Variants in USP11 observed in about 807,000 individuals in gnomAD.
The protein encoded by USP11 is ubiquitin carboxyl-terminal hydrolase 11.
A neutral mutation model predicts 72.8 loss-of-function variants in USP11; 5 were observed. The observed-to-expected ratio is 0.07, with a 90% CI of 0.04 to 0.14. The LOEUF (loss-of-function observed/expected upper bound fraction) is 0.14, where lower values mean the gene tolerates loss of function less well. Among genes scored for constraint, USP11 ranks in the 10% least tolerant of loss-of-function variants. The pLI is 1.00. For missense variants in USP11, 480 were observed against 794.7 expected (o/e 0.60, Z 4.76); for synonymous variants, 368 against 326.5 (o/e 1.13, Z -1.37).
intron 9 of USP11, 54 bp downstream of exon 9, chrX:47,241,753 G>C (rs148896305): frequency 8.9e-7 from 1 of 1,129,661 alleles, no homozygotes; most frequent in East Asian, 3.0e-5. Context: ...CCTCTGCCTC[G>C]GGGATTTTCT....
At position 47,242,199 on chromosome X, in the gene USP11, G is replaced by A; in HGVS notation, c.1297G>A (p.Val433Met). The part of the protein sequence containing the change: ...LVCPDCGNVS[V>M]TFDPFCYLSV... ...GTGCCCCGATTGTGGCAATGTATCT[G>A]TGACCTTCGACCCCTTCTGCTACCT... The change falls in exon 10 of 21, where the codon GTG becomes ATG. Residue 433 changes from valine (V) to methionine (M), a missense_variant. By Grantham distance (21) the Val-to-Met change is conservative. Around this residue, in one of 5 missense-constraint regions of USP11, gnomAD observed 314 missense variants for 556.0 expected, o/e 0.56. Coordinates refer to ENST00000377107, the MANE Select transcript of USP11 (RefSeq NM_001371072.1). 1 of 1,211,657 alleles carries A rather than the reference G, an allele frequency of 8.3e-7. No individual in the cohort carries two copies. Among genetic ancestry groups the A allele is most frequent in the Non-Finnish European group, 1.1e-6 (1 of 895,402 alleles).
chrX:47,234,328 T>G (rs1217200505), intron 1 of USP11, among the ~76,000 whole-genome samples: 1 of 111,788 alleles, frequency 8.9e-6, no homozygotes, highest in Non-Finnish European at 1.9e-5. Flanking sequence ...CTCGATTGGA[T>G]CCTGGAACAG....
At chrX:47,238,253 T>C in intron 1 of USP11, among the ~76,000 whole-genome samples, 1 of 104,258 alleles carries the variant, frequency 9.6e-6, no homozygotes, top group Non-Finnish European at 2.0e-5. Flanking sequence ...AGTGATGCAG[T>C]CTCGGCTCAC....
intron 7 of USP11, 192 bp from the exon 8 acceptor site, chrX:47,241,085 C>A (rs2055400138): frequency 1.8e-6 from 1 of 563,662 alleles, no homozygotes; most frequent in Non-Finnish European, 2.8e-6. Context: ...CTCTTCTCTT[C>A]CCTGTTCCCA....
rs775586481 is a variant in USP11, at chrX:47,240,774, GAAC to G, written c.752_754del (p.Asn251del). The G allele has an allele frequency of 1.2e-5, 14 of 1,209,903 alleles. No individual in the cohort carries two copies. The Middle Eastern group carries it at 1.8e-3, about 159-fold the overall frequency. On this transcript the variant is annotated inframe_deletion and splice_region_variant, in exon 7 of 21. Coordinates refer to ENST00000377107, the MANE Select transcript of USP11 (RefSeq NM_001371072.1). ...CTGACAGTTTCTCATCTAACCCCAG[GAAC>G]AACAACATGTCGGAAGAGGATGAGG...
chrX:47,245,047 A>G lies in USP11; in HGVS notation c.2118A>G (p.Pro706=), dbSNP rs770928956. 12 of 1,210,417 alleles carry G rather than the reference A, an allele frequency of 9.9e-6. No homozygotes were observed. In the Admixed American group the frequency reaches 2.6e-4, roughly 26 times the overall value. The change falls in exon 16 of 21, where the codon CCA becomes CCG. Residue 706 remains proline (P), a synonymous_variant. Transcript: ENST00000377107. The part of the protein sequence containing the change: ...AQPYIAIDWE[P]EMKKRYYDEV... ...CGTACATTGCTATCGACTGGGAGCCAGAGATGAAGAAGCGTTACTATGACG... is the reference window on the plus strand; with the variant it reads ...CGTACATTGCTATCGACTGGGAGCCGGAGATGAAGAAGCGTTACTATGACG...
intron 1 of USP11, among the ~76,000 whole-genome samples, chrX:47,237,592 G>A (rs1289005189): frequency 9.0e-6 from 1 of 110,943 alleles, no homozygotes; most frequent in Non-Finnish European, 1.9e-5. Context: ...CAGCCTGGGC[G>A]ACAGAGCAAG....
rs756332569 is a variant in USP11 at position 47,240,923 on chromosome X, C to A, written c.846+47C>A. The A allele has an allele frequency of 4.4e-6, 5 of 1,137,011 alleles. No individual in the cohort carries two copies. In the African/African-American group the frequency reaches 7.2e-5, roughly 16 times the overall value. 93.7% of individuals were successfully genotyped at this position (1,137,011 alleles called of 1,213,427 possible). A position where few individuals can be genotyped will look rare whatever the true frequency, so the allele number is the denominator to read the frequency against. On this transcript the variant is annotated intron_variant, in intron 7 of 20. Transcript: ENST00000377107. ...CTGGCACAGCCACGTGGTTGGGCTT[C>A]AAGAGCTGAGGATTGGGGACAGAGC... is the stretch of plus-strand genomic sequence containing the variant.
rs1022022946 is a variant in USP11 at position 47,244,420 on chromosome X, A to G, written c.1791-78A>G. On this transcript the variant is annotated intron_variant, in intron 13 of 20. Transcript: ENST00000377107. The stretch of plus-strand genomic sequence containing the variant: ...CATGTGGATCTACCAATGGCTTCCC[A>G]TTATCTTAAGTAAAATCCCGGGCTC... 5.4e-6 allele frequency: 6 copies of G among 1,113,096 alleles called. No individual in the cohort carries two copies. In the Admixed American group the frequency reaches 1.2e-4, roughly 23 times the overall value. 91.7% of individuals were successfully genotyped at this position (1,113,096 alleles called of 1,213,427 possible).
At chrX:47,233,446 A>C (rs1164216119) in intron 1 of USP11, 1 of 1,058,950 alleles carries the variant, frequency 9.4e-7, no homozygotes, top group Admixed American at 4.1e-5. Flanking sequence ...CTGAGAACAA[A>C]ATGGGGTTTG....
chrX:47,237,049 G>T (rs773446883), intron 1 of USP11, among the ~76,000 whole-genome samples: 9 of 112,182 alleles, frequency 8.0e-5, no homozygotes, highest in Non-Finnish European at 1.7e-4. Flanking sequence ...TAGAAGTTCA[G>T]CCTGTGACCA....
At chrX:47,247,279 G>C in intron 18 of USP11, 25 bp from the exon 19 acceptor site, 1 of 1,210,853 alleles carries the variant, frequency 8.3e-7, no homozygotes, top group Non-Finnish European at 1.1e-6. Context: ...GGGTGTACCA[G>C]TATTAACCCT....
chrX:47,233,244 T>G, intron 1 of USP11, 25 bp downstream of exon 1: 1 of 1,111,895 alleles, frequency 9.0e-7, no homozygotes, highest in Non-Finnish European at 1.2e-6. Flanking sequence ...CGGTGGAGCC[T>G]CGGCAGAGGG....
In USP11 at chrX:47,248,083, G is replaced by A. The variant is rs187322732; in HGVS notation, c.*153G>A. On this transcript the variant is annotated 3_prime_UTR_variant, in exon 21 of 21. Transcript: ENST00000377107. Reference sequence around the variant, plus strand: ...TACTGTTCTCCTGTGCCGCTGCATCGCTCTCTCCCGGGAAAGAACAGGTCG... The same window carrying A: ...TACTGTTCTCCTGTGCCGCTGCATCACTCTCTCCCGGGAAAGAACAGGTCG... 152 of 848,764 alleles carry A rather than the reference G, an allele frequency of 1.8e-4. 1 individual carries two copies. The highest frequency in any genetic ancestry group is 2.3e-4 in the Non-Finnish European group (146 of 626,800). 69.9% of individuals were successfully genotyped at this position (848,764 alleles called of 1,213,427 possible). A position where few individuals can be genotyped will look rare whatever the true frequency, so the allele number is the denominator to read the frequency against.
chrX:47,240,841 C>T lies in USP11; in HGVS notation c.811C>T (p.Leu271=). Residue 271 remains leucine, a synonymous_variant, in exon 7 of 21, where the codon CTG becomes TTG. Coordinates refer to ENST00000377107, the MANE Select transcript of USP11 (RefSeq NM_001371072.1). The stretch of plus-strand genomic sequence containing the variant: ...GCCAGGCATCTGTGGCCTCACCAAT[C>T]TGGGCAACACGTGCTTCATGAACTC... ...GQPGICGLTN[L]GNTCFMNSAL... is the part of the protein sequence containing the mutation. 7 of 1,211,401 alleles carry T rather than the reference C, an allele frequency of 5.8e-6. No homozygotes were observed. The highest frequency in any genetic ancestry group is 7.8e-6 in the Non-Finnish European group (7 of 895,269).
chrX:47,233,277 G>T, intron 1 of USP11, 58 bp downstream of exon 1: 5 of 1,098,429 alleles, frequency 4.6e-6, no homozygotes, highest in Non-Finnish European at 3.6e-6. Flanking sequence ...ATTGACAACC[G>T]CTGGGGATTC....
rs1256900971 is a variant in USP11, at chrX:47,245,142, G to T, written c.2157+56G>T. ...TCCAGCTCTTGCCCCTCAACTCTTC[G>T]TACATCCTCCCCACAACTCCTCTAG... On this transcript the variant is annotated intron_variant, in intron 16 of 20. Transcript: ENST00000377107. 2.6e-6 allele frequency: 3 copies of T among 1,160,779 alleles called. No homozygotes were observed. In the African/African-American group the frequency reaches 5.3e-5, roughly 21 times the overall value.
In USP11 at chrX:47,244,489, C is replaced by G. The variant is rs745326161; in HGVS notation, c.1791-9C>G. ...ACCCGTCTTGGGAGTCTCCTCTGCT[C>G]TGTTGCAGACGCTACGTGACCAAAC... is the stretch of plus-strand genomic sequence containing the variant. On this transcript the variant is annotated splice_polypyrimidine_tract_variant and intron_variant, in intron 13 of 20. Transcript: ENST00000377107. The G allele has an allele frequency of 5.0e-6, 6 of 1,211,175 alleles. No individual in the cohort carries two copies. The highest frequency in any genetic ancestry group is 4.6e-4 in the Middle Eastern group (2 of 4,350).
At chrX:47,235,508 A>G (rs2055367892) in intron 1 of USP11, among the ~76,000 whole-genome samples, 1 of 111,020 alleles carries the variant, frequency 9.0e-6, no homozygotes, top group Non-Finnish European at 1.9e-5. Flanking sequence ...CATCTCTTGC[A>G]GCGTAGATGC....
Sources: allele counts gnomAD v4.1 joint callset (sites outside exome capture counted in the v4.1 genomes callset), GRCh38; gene constraint gnomAD v4.1.1; regional missense constraint gnomAD v4.1.1; transcripts MANE v1.5; gene names NCBI Gene and HGNC (gene_info 2026-07-23, HGNC 2026-07-21).